Variants in NCAM2 observed in about 807,000 individuals in gnomAD.
NCAM2 encodes neural cell adhesion molecule 2, also known as N-CAM-2.
A neutral mutation model predicts 98.1 loss-of-function variants in NCAM2; 30 were observed. The observed-to-expected ratio is 0.31, with a 90% CI of 0.23 to 0.41. The LOEUF is 0.41. Ranked by LOEUF, NCAM2 falls within the 10% of genes least tolerant of loss-of-function variation. The probability of loss-of-function intolerance (pLI) is 1.00; values close to 1 mark genes in which losing one functional copy is unlikely to be tolerated. For missense variants in NCAM2, 867 were observed against 1,005.8 expected (o/e 0.86, Z 1.87); for synonymous variants, 368 against 342.4 (o/e 1.07, Z -0.83).
chr21:21,480,033 A>G (rs17003877), intron 15 of NCAM2, among the ~76,000 whole-genome samples: 4,624 of 152,144 alleles, frequency 0.03, 251 homozygotes, highest in African/African-American at 0.1. Flanking sequence ...CAAAATCTCC[A>G]CAGTCTGGTA....
At chr21:21,400,034 T>C (rs377716280) in intron 9 of NCAM2, among the ~76,000 whole-genome samples, 3 of 152,118 alleles carry the variant, frequency 2.0e-5, no homozygotes, top group South Asian at 2.1e-4. Context: ...GGAGGGGGCA[T>C]TTATCAAAAC....
chr21:21,397,340 C>G (rs2076532135), intron 9 of NCAM2, among the ~76,000 whole-genome samples: 2 of 152,202 alleles, frequency 1.3e-5, no homozygotes. Context: ...CTGCCTCCTG[C>G]TGCCATCAAC....
intron 1 of NCAM2, among the ~76,000 whole-genome samples, chr21:21,012,437 G>T (rs776913701): frequency 1.1e-4 from 16 of 152,050 alleles, no homozygotes; most frequent in South Asian, 2.1e-4. Context: ...ATCAGTTTAG[G>T]ATGCTTTTAG....
intron 4 of NCAM2, among the ~76,000 whole-genome samples, chr21:21,288,494 G>A (rs892600818): frequency 7.9e-5 from 12 of 151,874 alleles, no homozygotes; most frequent in African/African-American, 2.9e-4. Flanking sequence ...ATAACACTAA[G>A]TTGTGTGGCA....
At chr21:21,496,672 C>T (rs1459917042) in intron 15 of NCAM2, among the ~76,000 whole-genome samples, 1 of 151,954 alleles carries the variant, frequency 6.6e-6, no homozygotes, top group Non-Finnish European at 1.5e-5. Flanking sequence ...GAGATTTAGC[C>T]AAAAATCCCT....
At chr21:21,158,170 A>G (rs2067672151) in intron 1 of NCAM2, among the ~76,000 whole-genome samples, 1 of 152,208 alleles carries the variant, frequency 6.6e-6, no homozygotes, top group Non-Finnish European at 1.5e-5. Context: ...AAGACAGACT[A>G]TGGAATATAG....
intron 1 of NCAM2, among the ~76,000 whole-genome samples, chr21:21,180,517 C>G (rs1210096246): frequency 3.9e-5 from 6 of 152,086 alleles, no homozygotes; most frequent in African/African-American, 1.4e-4. Context: ...ATAGGTAAAT[C>G]TACCTCCTGT....
chr21:21,354,807 A>G (rs2075427226), intron 8 of NCAM2, among the ~76,000 whole-genome samples: 1 of 142,590 alleles, frequency 7.0e-6, no homozygotes, highest in South Asian at 2.4e-4. Flanking sequence ...ATTGTAAAAG[A>G]AACTCATTTA....
chr21:21,373,790 A>C (rs1317856812), intron 8 of NCAM2, 73 bp from the exon 9 acceptor site: 1 of 1,231,002 alleles, frequency 8.1e-7, no homozygotes, highest in Non-Finnish European at 1.1e-6. Context: ...AAGTAACATA[A>C]TGTTATATGT....
At chr21:21,423,852 G>C (rs1027297502) in intron 11 of NCAM2, among the ~76,000 whole-genome samples, 39 of 152,246 alleles carry the variant, frequency 2.6e-4, no homozygotes, top group African/African-American at 9.4e-4. Context: ...TTTCACCAGA[G>C]TCAGGATTAG....
intron 1 of NCAM2, among the ~76,000 whole-genome samples, chr21:21,193,549 G>A (rs1267166959): frequency 6.9e-6 from 1 of 144,948 alleles, no homozygotes; most frequent in Non-Finnish European, 1.5e-5. Flanking sequence ...AGGCTGGAGT[G>A]CAATGGCGCG....
intron 1 of NCAM2, among the ~76,000 whole-genome samples, chr21:21,207,784 A>G (rs549743475): frequency 6.6e-6 from 1 of 152,272 alleles, no homozygotes; most frequent in South Asian, 2.1e-4. Context: ...CCCTCCCCAA[A>G]TAGTAAAATA....
intron 1 of NCAM2, among the ~76,000 whole-genome samples, chr21:21,266,653 T>C (rs1435275360): frequency 2.0e-5 from 3 of 151,286 alleles, no homozygotes; most frequent in Admixed American, 6.6e-5. Flanking sequence ...TTCTCACTCA[T>C]AGGTGGGAAT....
intron 1 of NCAM2, among the ~76,000 whole-genome samples, chr21:21,118,761 T>G (rs1297160826): frequency 6.6e-6 from 1 of 152,090 alleles, no homozygotes; most frequent in Non-Finnish European, 1.5e-5. Context: ...ACACATATTA[T>G]TTTACATTAT....
chr21:21,299,195 C>A (rs75926324), intron 5 of NCAM2, among the ~76,000 whole-genome samples: 1,978 of 151,512 alleles, frequency 0.013, 44 homozygotes, highest in African/African-American at 0.046. Flanking sequence ...ATTCATGGGT[C>A]CTGTTCCTCA....
At chr21:21,267,666 A>C (rs559709609) in intron 1 of NCAM2, among the ~76,000 whole-genome samples, 1 of 152,184 alleles carries the variant, frequency 6.6e-6, no homozygotes, top group Admixed American at 6.6e-5. Flanking sequence ...TGAAACAAAC[A>C]AAAATTACAT....
chr21:21,380,566 T>G (rs2148085611), intron 9 of NCAM2, among the ~76,000 whole-genome samples: 1 of 152,236 alleles, frequency 6.6e-6, no homozygotes, highest in East Asian at 1.9e-4. Flanking sequence ...TTTTCTTGTT[T>G]TTTTTTTCAG....
At chr21:21,204,886 G>A (rs532227440) in intron 1 of NCAM2, among the ~76,000 whole-genome samples, 5 of 152,066 alleles carry the variant, frequency 3.3e-5, no homozygotes, top group African/African-American at 4.8e-5. Flanking sequence ...AATATAGAAC[G>A]TATCCTTTTT....
intron 1 of NCAM2, among the ~76,000 whole-genome samples, chr21:21,038,060 C>G (rs2064833021): frequency 6.6e-6 from 1 of 152,086 alleles, no homozygotes; most frequent in African/African-American, 2.4e-5. Context: ...GATATGATCC[C>G]TCCTCTGTTC....
Sources: allele counts gnomAD v4.1 joint callset (sites outside exome capture counted in the v4.1 genomes callset), GRCh38; gene constraint gnomAD v4.1.1; transcripts MANE v1.5; gene names NCBI Gene and HGNC (gene_info 2026-07-23, HGNC 2026-07-21).